Variants in NLRC5 observed in about 807,000 individuals in gnomAD.
NLRC5 encodes protein NLRC5.
Under a neutral mutation model 206.9 loss-of-function variants are expected in NLRC5, and 114 were observed. That is an observed-to-expected ratio of 0.55 (90% confidence interval 0.47 to 0.64). NLRC5 has a LOEUF of 0.64. NLRC5 is among the 30% of genes least tolerant of loss of function. NLRC5 has a pLI of 0.00. For missense variants in NLRC5, 2,008 were observed against 2,305.5 expected (o/e 0.87, Z 2.64); for synonymous variants, 952 against 962.8 (o/e 0.99, Z 0.21).
Position 57,082,686 on chromosome 16 carries a change from G to A in NLRC5, c.*158G>A, listed in dbSNP as rs1423087649. The stretch of plus-strand genomic sequence containing the variant: ...ACGTGTGTCCTGCTGCAGTCCTCAG[G>A]GAGAACTTTTTTGGGAACCAGGAGC... On this transcript the variant is annotated 3_prime_UTR_variant, in exon 49 of 49. Transcript: ENST00000688547. The A allele has an allele frequency of 8.6e-6, 5 of 582,754 alleles. No individual in the cohort carries two copies. Among genetic ancestry groups the A allele is most frequent in the Non-Finnish European group, 1.5e-5 (5 of 332,632 alleles). 36.1% of individuals were successfully genotyped at this position (582,754 alleles called of 1,614,324 possible).
chr16:57,074,426 G>A, intron 38 of NLRC5, 174 bp from the exon 39 acceptor site: 1 of 619,698 alleles, frequency 1.6e-6, no homozygotes, highest in East Asian at 2.7e-5. Flanking sequence ...TTCATGCAGA[G>A]AAACAGCATT....
chr16:57,035,345 AG>A (rs1452367369), intron 13 of NLRC5, among the ~76,000 whole-genome samples: 1 of 152,008 alleles, frequency 6.6e-6, no homozygotes, highest in Non-Finnish European at 1.5e-5. Context: ...GGCAGAGAGT[AG>A]ATCACTTTTC....
In NLRC5 at chr16:57,025,516, G is replaced by C. The variant is rs747438810; in HGVS notation, c.573G>C (p.Pro191=). Residue 191 remains proline (P), a synonymous_variant, in exon 6 of 49, where the codon CCG becomes CCC. Coordinates refer to ENST00000688547, the MANE Select transcript of NLRC5 (RefSeq NM_001384950.1). ...LRRATASLDT[P]EGAIMGDVKV... Reference sequence around the variant, plus strand: ...GGGCCACAGCATCCTTAGACACTCCGGAGGGGGCCATTATGGGGGACGTCA... The same window carrying C: ...GGGCCACAGCATCCTTAGACACTCCCGAGGGGGCCATTATGGGGGACGTCA... The C allele has an allele frequency of 1.2e-6, 2 of 1,613,494 alleles. No homozygotes were observed. The highest frequency in any genetic ancestry group is 2.7e-5 in the African/African-American group (2 of 74,914).
In NLRC5 at chr16:57,079,300, G is replaced by A. The variant is rs747133970; in HGVS notation, c.5237+8G>A. ...GCTGCTCAGACAGATAGAGTAAGTAGCCTCCCCTGCCTGCCTAGGGGACCA... is the reference window on the plus strand; with the variant it reads ...GCTGCTCAGACAGATAGAGTAAGTAACCTCCCCTGCCTGCCTAGGGGACCA... On this transcript the variant is annotated splice_region_variant and intron_variant, in intron 45 of 48. Coordinates refer to ENST00000688547, the MANE Select transcript of NLRC5 (RefSeq NM_001384950.1). The A allele has an allele frequency of 1.5e-5, 25 of 1,613,162 alleles. No homozygotes were observed. In the South Asian group the frequency reaches 2.6e-4, roughly 17 times the overall value.
chr16:57,030,154 A>G (rs1337639696), intron 10 of NLRC5, 70 bp downstream of exon 10: 3 of 1,276,448 alleles, frequency 2.4e-6, no homozygotes, highest in Non-Finnish European at 3.4e-6. Flanking sequence ...GGGATGGGAA[A>G]TGGAGGAGGC....
chr16:57,027,418 A>G (rs539324241), intron 6 of NLRC5, among the ~76,000 whole-genome samples: 21 of 152,372 alleles, frequency 1.4e-4, no homozygotes, highest in Admixed American at 4.6e-4. Context: ...ATGGTGCATG[A>G]AAAACATTTT....
chr16:57,023,808 T>A lies in NLRC5; in HGVS notation c.379T>A (p.Cys127Ser). 1 of 1,612,326 alleles carries A rather than the reference T, an allele frequency of 6.2e-7. No individual in the cohort carries two copies. Among genetic ancestry groups the A allele is most frequent in the South Asian group, 1.1e-5 (1 of 90,604 alleles). The part of the protein sequence containing the change: ...HHGLKRPHQS[C>S]GSSPRRKQCK... ...AGGCCTGAAGCGCCCACATCAGAGC[T>A]GTGGGTCCTCACCCCGCCGGAAGCA... The change falls in exon 5 of 49, where the codon TGT (cysteine) becomes AGT (serine). Residue 127 changes from cysteine to serine, a missense_variant. Physicochemically the swap from Cys to Ser is moderately radical, Grantham distance 112. Coordinates refer to ENST00000688547, the MANE Select transcript of NLRC5 (RefSeq NM_001384950.1).
At chr16:57,031,838 A>G (rs550828286) in intron 11 of NLRC5, among the ~76,000 whole-genome samples, 6 of 151,208 alleles carry the variant, frequency 4.0e-5, no homozygotes, top group Admixed American at 3.3e-4. Context: ...TTGTTCTGAG[A>G]ATTAAATGAG....
Position 57,025,697 on chromosome 16 carries a change from T to G in NLRC5, c.754T>G (p.Cys252Gly). 6.2e-7 allele frequency: 1 copy of G among 1,614,252 alleles called. No homozygotes were observed. Among genetic ancestry groups the G allele is most frequent in the Non-Finnish European group, 8.5e-7 (1 of 1,180,050 alleles). The change falls in exon 6 of 49, where the codon TGT becomes GGT. Residue 252 changes from cysteine (C) to glycine (G), a missense_variant. Physicochemically the swap from Cys to Gly is radical, Grantham distance 159. Coordinates refer to ENST00000688547, the MANE Select transcript of NLRC5 (RefSeq NM_001384950.1). ...CQKWAEGHLN[C>G]FQALFLFEFR... ...GAAGTGGGCAGAGGGCCATCTGAAC[T>G]GTTTCCAGGCCCTGTTCCTTTTTGA...
At chr16:57,067,366 C>CGTCT in intron 34 of NLRC5, 21 bp from the exon 35 acceptor site, 1 of 1,608,556 alleles carries the variant, frequency 6.2e-7, no homozygotes, top group African/African-American at 1.3e-5. Flanking sequence ...CCAAAACTGT[C>CGTCT]GTCTCCCTGT....
chr16:57,062,327 TA>T, intron 32 of NLRC5: 1 of 350,596 alleles, frequency 2.9e-6, no homozygotes, highest in Non-Finnish European at 5.5e-6. Flanking sequence ...TAGTCTAATC[TA>T]AAATGTCCCC....
At chr16:57,046,421 A>G (rs1285723848) in intron 21 of NLRC5, 131 bp from the exon 22 acceptor site, 2 of 680,320 alleles carry the variant, frequency 2.9e-6, no homozygotes, top group African/African-American at 3.6e-5. Flanking sequence ...CTGACTTTCC[A>G]AGTCTGGGAG....
Position 57,065,381 on chromosome 16 carries a change from G to A in NLRC5, c.4241+83G>A, listed in dbSNP as rs916367132. On this transcript the variant is annotated intron_variant, in intron 33 of 48. Coordinates refer to ENST00000688547, the MANE Select transcript of NLRC5 (RefSeq NM_001384950.1). ...TTTCCTTGACCTTCCCTCATCCTGTGGGGTAATAGCTGTGTCACCAGCTAG... is the reference window on the plus strand; with the variant it reads ...TTTCCTTGACCTTCCCTCATCCTGTAGGGTAATAGCTGTGTCACCAGCTAG... The A allele has an allele frequency of 2.3e-5, 23 of 994,938 alleles. No homozygotes were observed. In the African/African-American group the frequency reaches 2.5e-4, roughly 11 times the overall value. 61.6% of individuals were successfully genotyped at this position (994,938 alleles called of 1,614,324 possible). A position where few individuals can be genotyped will look rare whatever the true frequency, so the allele number is the denominator to read the frequency against.
intron 1 of NLRC5, among the ~76,000 whole-genome samples, chr16:57,012,625 G>A (rs756419017): frequency 3.3e-5 from 5 of 152,164 alleles, no homozygotes; most frequent in Non-Finnish European, 7.3e-5. Context: ...TAGGTTGCGA[G>A]TTTCTGATGA....
chr16:57,049,733 C>CAAAT (rs141407636), intron 23 of NLRC5, among the ~76,000 whole-genome samples: 7,719 of 145,218 alleles, frequency 0.053, 237 homozygotes, highest in East Asian at 0.072. Flanking sequence ...GACTCTGTCT[C>CAAAT]AAATAAATAA....
intron 1 of NLRC5, among the ~76,000 whole-genome samples, chr16:56,994,308 G>A (rs759231356): frequency 2.0e-5 from 3 of 152,138 alleles, no homozygotes; most frequent in Non-Finnish European, 4.4e-5. Flanking sequence ...GGGCATTTTC[G>A]GTGAGTCCAG....
At position 57,051,451 on chromosome 16, in the gene NLRC5, C is replaced by T. The variant is rs2064888590; in HGVS notation, c.3423-87C>T. 4.3e-6 allele frequency: 4 copies of T among 931,102 alleles called. No homozygotes were observed. The East Asian group carries it at 9.6e-5, about 22-fold the overall frequency. 57.7% of individuals were successfully genotyped at this position (931,102 alleles called of 1,614,324 possible). On this transcript the variant is annotated intron_variant, in intron 23 of 48. Transcript: ENST00000688547. Reference sequence around the variant, plus strand: ...GTTTCAGGTGACCCTGGTTAGGTCCCATCTCCAGAAGGCTCTGGCTATGAG... The same window carrying T: ...GTTTCAGGTGACCCTGGTTAGGTCCTATCTCCAGAAGGCTCTGGCTATGAG...
At chr16:57,040,424 A>G (rs1395972714) in intron 16 of NLRC5, among the ~76,000 whole-genome samples, 2 of 152,190 alleles carry the variant, frequency 1.3e-5, no homozygotes, top group Non-Finnish European at 2.9e-5. Context: ...CTTGCCATGT[A>G]TGCACCAAGC....
In NLRC5 at chr16:57,030,052, C is replaced by T; in HGVS notation, c.2385C>T (p.Val795=). The T allele has an allele frequency of 6.2e-7, 1 of 1,614,132 alleles. No individual in the cohort carries two copies. The change falls in exon 10 of 49, where the codon GTC becomes GTT. Residue 795 remains valine (V), a synonymous_variant. Transcript: ENST00000688547. ...TACTCTGCTTGGCAAGGGTGGCAGT[C>T]ACGTGTCCTACCGTCAGGATGCTTC... is the stretch of plus-strand genomic sequence containing the variant. The part of the protein sequence containing the change: ...STLLCLARVA[V]TCPTVRMLQA...
Sources: gnomAD v4.1 joint callset for allele counts (sites outside exome capture counted in the v4.1 genomes callset) on GRCh38, gnomAD v4.1.1 for gene constraint, MANE v1.5 for transcripts, NCBI Gene and HGNC (gene_info 2026-07-23, HGNC 2026-07-21) for gene names.